The following NLRP12 variants were observed in gnomAD, a reference collection of about 807,000 sequenced individuals.
The protein encoded by NLRP12 is NACHT, LRR and PYD domains-containing protein 12.
In NLRP12, 108 loss-of-function variants were observed where a neutral mutation model predicts 91.2. The ratio of observed to expected loss-of-function variants is 1.18; its 90% CI spans 1.01 to 1.39. The LOEUF (loss-of-function observed/expected upper bound fraction) is 1.39, where lower values mean the gene tolerates loss of function less well. Among genes scored for constraint, NLRP12 ranks in the 40% most tolerant of loss-of-function variants. NLRP12 has a pLI of 0.00. For missense variants in NLRP12, 1,530 were observed against 1,352.7 expected, an observed-to-expected ratio of 1.13 and a Z score of -2.06; for synonymous variants, 613 against 566.7, an observed-to-expected ratio of 1.08 and a Z score of -1.16.
Position 53,819,457 on chromosome 19 carries a change from A to ATGTGTGTGTGTGTGTG in NLRP12, c.289+4413_289+4428dup, listed in dbSNP as rs1208045764. ...TATATATATATATATATATATATAT[A>ATGTGTGTGTGTGTGTG]TGTGTGTGTGTGTGTGTGTGTGTGT... On this transcript the variant is annotated intron_variant, in intron 1 of 9. Coordinates refer to ENST00000324134, the MANE Select transcript of NLRP12 (RefSeq NM_144687.4). Among the ~76,000 whole-genome samples the ATGTGTGTGTGTGTGTG allele has an allele frequency of 7.2e-3, 33 of 4,596 alleles. 3 individuals are homozygous for ATGTGTGTGTGTGTGTG. Among genetic ancestry groups the ATGTGTGTGTGTGTGTG allele is most frequent in the Non-Finnish European group, 8.6e-3 (21 of 2,430 alleles). The allele number at this position is 4,596 out of a possible 152,430, so 3.0% of individuals were successfully genotyped here. A position where few individuals can be genotyped will look rare whatever the true frequency, so the allele number is the denominator to read the frequency against.
In NLRP12 at chr19:53,810,921, A is replaced by G; in HGVS notation, c.738T>C (p.Tyr246=). Residue 246 remains tyrosine (Y), a synonymous_variant, in exon 3 of 10, where the codon TAT becomes TAC. Transcript: ENST00000324134. ...DGKLFQGRFD[Y]LFYINCREMN... The stretch of plus-strand genomic sequence containing the variant: ...TCTCCCTGCAGTTGATGTAGAAGAG[A>G]TAATCAAATCTGCCTTGGAAGAGCT... The G allele has an allele frequency of 6.2e-7, 1 of 1,614,076 alleles. No homozygotes were observed. The highest frequency in any genetic ancestry group is 8.5e-7 in the Non-Finnish European group (1 of 1,180,022).
At chr19:53,823,693 C>T (rs991826857) in intron 1 of NLRP12, among the ~76,000 whole-genome samples, 193 bp downstream of exon 1, 21 of 151,358 alleles carry the variant, frequency 1.4e-4, no homozygotes, top group African/African-American at 2.9e-4. Context: ...GGATCACAGA[C>T]GTATACCACC....
chr19:53,804,198 A>G, intron 5 of NLRP12, 76 bp from the exon 6 acceptor site: 1 of 1,497,822 alleles, frequency 6.7e-7, no homozygotes, highest in South Asian at 1.2e-5. Flanking sequence ...CCAGCCTGTT[A>G]TTTTATTATT....
chr19:53,799,715 T>G (rs1323360787), intron 7 of NLRP12, among the ~76,000 whole-genome samples: 2 of 151,846 alleles, frequency 1.3e-5, no homozygotes, highest in African/African-American at 2.4e-5. Flanking sequence ...ACTCCTGACC[T>G]CAGGTCATTC....
intron 2 of NLRP12, 137 bp from the exon 3 acceptor site, chr19:53,811,425 A>T: frequency 1.0e-6 from 1 of 972,728 alleles, no homozygotes; most frequent in Non-Finnish European, 1.6e-6. Context: ...GAGATGGGAG[A>T]ATCACTTGAA....
At chr19:53,796,315 G>GCA (rs2091759036) in intron 8 of NLRP12, among the ~76,000 whole-genome samples, 1 of 152,052 alleles carries the variant, frequency 6.6e-6, no homozygotes, top group South Asian at 2.1e-4. Context: ...GCTGTGGCAT[G>GCA]ATCTCGGCTC....
At chr19:53,801,448 CTTTTT>C (rs11417138) in intron 6 of NLRP12, 51 bp from the exon 7 acceptor site, 947 of 1,274,416 alleles carry the variant, frequency 7.4e-4, no homozygotes, top group Middle Eastern at 1.5e-3. Flanking sequence ...CTTTCTTTTT[CTTTTT>C]TTTTTTTTTT....
intron 7 of NLRP12, among the ~76,000 whole-genome samples, chr19:53,798,744 A>G (rs543043331): frequency 6.6e-6 from 1 of 151,784 alleles, no homozygotes; most frequent in African/African-American, 2.4e-5. Context: ...ACAAAAAAAA[A>G]TTTTTTTTCT....
At chr19:53,817,101 G>C (rs140509461) in intron 1 of NLRP12, among the ~76,000 whole-genome samples, 7,276 of 150,500 alleles carry the variant, frequency 0.048, 255 homozygotes, top group East Asian at 0.13. Flanking sequence ...ACCATCCTGG[G>C]TAACACGGTG....
intron 3 of NLRP12, chr19:53,808,673 GAC>G (rs1333046661): frequency 6.6e-6 from 1 of 152,128 alleles, no homozygotes; most frequent in Non-Finnish European, 1.5e-5. Flanking sequence ...CAGCCTTGGT[GAC>G]AGAGCCACAC....
chr19:53,803,525 G>A (rs2091907345), intron 6 of NLRP12, among the ~76,000 whole-genome samples: 2 of 152,012 alleles, frequency 1.3e-5, no homozygotes, highest in East Asian at 1.9e-4. Flanking sequence ...CTCTGCTCCC[G>A]TTAAACGGTA....
At chr19:53,807,350 G>A in intron 4 of NLRP12, 145 bp downstream of exon 4, 1 of 775,056 alleles carries the variant, frequency 1.3e-6, no homozygotes, top group Non-Finnish European at 2.1e-6. Context: ...TTACAGACGT[G>A]AGCCACGGCA....
At chr19:53,794,585 G>C (rs2091713749) in intron 9 of NLRP12, among the ~76,000 whole-genome samples, 1 of 151,076 alleles carries the variant, frequency 6.6e-6, no homozygotes, top group Non-Finnish European at 1.5e-5. Context: ...CTCCCAAAGT[G>C]CTGGGATTAC....
intron 6 of NLRP12, chr19:53,803,600 G>T (rs2091908417): frequency 2.8e-6 from 1 of 355,228 alleles, no homozygotes. Flanking sequence ...TTGAGATGGA[G>T]TCTCACTCTG....
rs771138435 is a variant in NLRP12, at chr19:53,809,633, C to T, written c.2026G>A (p.Asp676Asn). Reference sequence around the variant, plus strand: ...GCTCCTGCGGAGCACCTCGCGCGGTCTTCCCCGTCCGCGCTGTAGGTGGCG... The same window carrying T: ...GCTCCTGCGGAGCACCTCGCGCGGTTTTCCCCGTCCGCGCTGTAGGTGGCG... ...YGATYSADGE[D>N]RARCSAGAHT... The change falls in exon 3 of 10, where the codon GAC becomes AAC. Residue 676 changes from aspartate (D) to asparagine (N), a missense_variant. By Grantham distance (23) the Asp-to-Asn change is conservative. Coordinates refer to ENST00000324134, the MANE Select transcript of NLRP12 (RefSeq NM_144687.4). The T allele has an allele frequency of 1.2e-6, 2 of 1,613,614 alleles. No homozygotes were observed. Among genetic ancestry groups the T allele is most frequent in the South Asian group, 2.2e-5 (2 of 91,068 alleles).
At chr19:53,815,223 G>GTAT (rs1568688519) in intron 1 of NLRP12, among the ~76,000 whole-genome samples, 1 of 94,852 alleles carries the variant, frequency 1.1e-5, no homozygotes, top group South Asian at 3.7e-4. Flanking sequence ...CATCCAATCA[G>GTAT]TCTTTTTTTT....
At chr19:53,814,314 G>A (rs1237567713) in intron 2 of NLRP12, among the ~76,000 whole-genome samples, 1 of 152,088 alleles carries the variant, frequency 6.6e-6, no homozygotes, top group African/African-American at 2.4e-5. Flanking sequence ...ACGTGGATGT[G>A]ACTGGTAACA....
chr19:53,800,534 G>A (rs2091850401), intron 7 of NLRP12, among the ~76,000 whole-genome samples: 1 of 151,950 alleles, frequency 6.6e-6, no homozygotes, highest in African/African-American at 2.4e-5. Context: ...CAGAAGGCAT[G>A]CCAGGGAATA....
chr19:53,797,276 C>T (rs956531589), intron 8 of NLRP12, among the ~76,000 whole-genome samples: 2 of 152,086 alleles, frequency 1.3e-5, no homozygotes, highest in African/African-American at 4.8e-5. Flanking sequence ...GGATTACAGA[C>T]ACCCACCACC....
Sources: allele counts gnomAD v4.1 joint callset (sites outside exome capture counted in the v4.1 genomes callset), GRCh38; gene constraint gnomAD v4.1.1; transcripts MANE v1.5; gene names NCBI Gene and HGNC (gene_info 2026-07-23, HGNC 2026-07-21).